TSNARE1: variants seen among roughly 807,000 people sequenced by gnomAD.
The protein encoded by TSNARE1 is t-SNARE domain containing 1.
A neutral mutation model predicts 62.0 loss-of-function variants in TSNARE1; 49 were observed. The observed-to-expected ratio is 0.79, with a 90% confidence interval of 0.63 to 1.00. The LOEUF is 1.00. TSNARE1 is among the 50% of genes least tolerant of loss of function. The pLI, the probability that TSNARE1 is intolerant of heterozygous loss-of-function variation, is 0.00. For synonymous variants in TSNARE1, 328 were observed against 294.4 expected (o/e 1.11, Z -1.17); for missense variants, 755 against 700.1 (o/e 1.08, Z -0.88).
intron 1 of TSNARE1, among the ~76,000 whole-genome samples, chr8:142,366,935 A>G (rs1835590570): frequency 6.6e-6 from 1 of 152,270 alleles, no homozygotes; most frequent in African/African-American, 2.4e-5. Flanking sequence ...ATCAGGATAT[A>G]AAATTAACAT....
chr8:142,312,283 C>T (rs1827725494), intron 9 of TSNARE1, among the ~76,000 whole-genome samples: 1 of 152,194 alleles, frequency 6.6e-6, no homozygotes, highest in African/African-American at 2.4e-5. Context: ...ATCTGCATCA[C>T]CTGTTGGTCA....
intron 10 of TSNARE1, among the ~76,000 whole-genome samples, chr8:142,299,619 A>G (rs777699307): frequency 2.6e-4 from 39 of 152,168 alleles, no homozygotes; most frequent in Non-Finnish European, 5.0e-4. Context: ...GCACTTACAC[A>G]TGCATGCACA....
chr8:142,370,507 G>C (rs1354563903), intron 1 of TSNARE1, among the ~76,000 whole-genome samples: 1 of 152,146 alleles, frequency 6.6e-6, no homozygotes, highest in Admixed American at 6.5e-5. Flanking sequence ...AGGAGTTTGA[G>C]ATCACAGTGA....
intron 1 of TSNARE1, among the ~76,000 whole-genome samples, chr8:142,378,568 T>C (rs1427264539): frequency 6.6e-6 from 1 of 152,164 alleles, no homozygotes; most frequent in Admixed American, 6.5e-5. Context: ...TTCTCCCAGA[T>C]GTGACAGCAG....
intron 1 of TSNARE1, among the ~76,000 whole-genome samples, chr8:142,371,473 C>T (rs535069245): frequency 6.6e-6 from 1 of 152,272 alleles, no homozygotes; most frequent in South Asian, 2.1e-4. Flanking sequence ...CATCAAAATT[C>T]ACTGCACACT....
At chr8:142,264,344 T>C (rs1300331176) in intron 12 of TSNARE1, among the ~76,000 whole-genome samples, 2 of 152,276 alleles carry the variant, frequency 1.3e-5, no homozygotes, top group Non-Finnish European at 2.9e-5. Context: ...TCTTGCTTTA[T>C]GACCTAGTCC....
At chr8:142,341,609 G>A (rs1832598867) in intron 4 of TSNARE1, among the ~76,000 whole-genome samples, 1 of 152,140 alleles carries the variant, frequency 6.6e-6, no homozygotes, top group South Asian at 2.1e-4. Flanking sequence ...GGTAGAAGAG[G>A]ATATGAAGCC....
At position 142,282,445 on chromosome 8, in the gene TSNARE1, GTCTATCAAT is replaced by G. The variant is rs1821688409; in HGVS notation, c.1363+1959_1363+1967del. Among the ~76,000 whole-genome samples the G allele has an allele frequency of 2.5e-4, 38 of 151,748 alleles. 2 individuals carry two copies. Among genetic ancestry groups the G allele is most frequent in the Admixed American group, 3.3e-4 (5 of 15,260 alleles). On this transcript the variant is annotated intron_variant, in intron 11 of 13. Coordinates refer to ENST00000524325, the MANE Select transcript of TSNARE1 (RefSeq NM_145003.5). ...ATTAATGAGCGGAGCAGGGGCCAGT[GTCTATCAAT>G]GAGCAAAGGGGAGGCCACTGTCTGT...
chr8:142,214,440 G>T (rs1345598911), intron 13 of TSNARE1, among the ~76,000 whole-genome samples: 1 of 152,176 alleles, frequency 6.6e-6, no homozygotes, highest in Non-Finnish European at 1.5e-5. Context: ...CCCAGTCCCT[G>T]GATCCCTCGG....
chr8:142,248,436 G>C (rs1469643178), intron 12 of TSNARE1, among the ~76,000 whole-genome samples: 1 of 152,196 alleles, frequency 6.6e-6, no homozygotes, highest in Admixed American at 6.5e-5. Flanking sequence ...GCACCCACGG[G>C]GCTCCTGGTG....
intron 4 of TSNARE1, among the ~76,000 whole-genome samples, chr8:142,337,009 G>A (rs1463046559): frequency 1.3e-5 from 2 of 151,964 alleles, no homozygotes; most frequent in Non-Finnish European, 2.9e-5. Context: ...ATGCATAGAG[G>A]GAAGTGTATA....
At chr8:142,399,128 C>T (rs1266549748) in intron 1 of TSNARE1, among the ~76,000 whole-genome samples, 1 of 152,256 alleles carries the variant, frequency 6.6e-6, no homozygotes, top group East Asian at 1.9e-4. Flanking sequence ...TCTTCAGAAA[C>T]CTATTCAAGG....
At chr8:142,248,505 C>T (rs1818000988) in intron 12 of TSNARE1, among the ~76,000 whole-genome samples, 1 of 152,188 alleles carries the variant, frequency 6.6e-6, no homozygotes, top group Non-Finnish European at 1.5e-5. Context: ...TGTCTAGCTC[C>T]CAGGCTGAGA....
At chr8:142,238,240 G>A (rs1459945344) in intron 12 of TSNARE1, among the ~76,000 whole-genome samples, 2 of 152,056 alleles carry the variant, frequency 1.3e-5, no homozygotes, top group African/African-American at 4.8e-5. Context: ...GCAGGGCCTC[G>A]ACTGGGCCTG....
At chr8:142,236,912 CATG>C (rs1272477439) in intron 12 of TSNARE1, among the ~76,000 whole-genome samples, 1 of 152,180 alleles carries the variant, frequency 6.6e-6, no homozygotes, top group Non-Finnish European at 1.5e-5. Flanking sequence ...CTGCGGCGGT[CATG>C]ATGAGGAAAA....
chr8:142,356,702 G>C (rs374154157), intron 1 of TSNARE1, among the ~76,000 whole-genome samples: 1 of 152,148 alleles, frequency 6.6e-6, no homozygotes, highest in Non-Finnish European at 1.5e-5. Flanking sequence ...TACTACACGC[G>C]CAGATTCATC....
At chr8:142,231,538 A>C (rs1269428642) in intron 12 of TSNARE1, among the ~76,000 whole-genome samples, 2 of 152,184 alleles carry the variant, frequency 1.3e-5, no homozygotes, top group Non-Finnish European at 2.9e-5. Context: ...AGTGCACAGG[A>C]CAAGGCGCAC....
chr8:142,398,269 C>T (rs1174678832), intron 1 of TSNARE1, among the ~76,000 whole-genome samples: 9 of 150,926 alleles, frequency 6.0e-5, no homozygotes, highest in African/African-American at 2.2e-4. Flanking sequence ...CCAAAACACA[C>T]CCCTAGCCCT....
intron 1 of TSNARE1, among the ~76,000 whole-genome samples, chr8:142,372,940 C>A (rs1836017535): frequency 6.6e-6 from 1 of 152,224 alleles, no homozygotes; most frequent in South Asian, 2.1e-4. Context: ...TCCCACAGGC[C>A]TCCTCTGTGG....
Sources: gnomAD v4.1 joint callset for allele counts (sites outside exome capture counted in the v4.1 genomes callset) on GRCh38, gnomAD v4.1.1 for gene constraint, MANE v1.5 for transcripts, NCBI Gene and HGNC (gene_info 2026-07-23, HGNC 2026-07-21) for gene names.